SLC4A4: variants seen among roughly 807,000 people sequenced by gnomAD.
SLC4A4 encodes the protein electrogenic sodium bicarbonate cotransporter 1.
Under a neutral mutation model 111.5 loss-of-function variants are expected in SLC4A4, and 27 were observed. That is an observed-to-expected ratio of 0.24 (90% CI 0.18 to 0.33). The LOEUF (loss-of-function observed/expected upper bound fraction) is 0.33. SLC4A4 is among the 10% of genes least tolerant of loss of function. The pLI is 1.00. For synonymous variants in SLC4A4, 443 were observed against 463.4 expected (o/e 0.96, Z 0.57); for missense variants, 909 against 1,315.5 (o/e 0.69, Z 4.78).
rs547454868 is a variant in SLC4A4, at chr4:71,476,112, T to G, written c.1903+3142T>G. 3.3e-5 allele frequency among the ~76,000 whole-genome samples: 5 copies of G among 151,892 alleles called. No homozygotes were observed. The South Asian group carries it at 1.0e-3, about 31-fold the overall frequency. On this transcript the variant is annotated intron_variant, in intron 14 of 25. Coordinates refer to ENST00000264485, the MANE Select transcript of SLC4A4 (RefSeq NM_001098484.3). The stretch of plus-strand genomic sequence containing the variant: ...TGGAAAAAGGCAGTGGATAGTTATT[T>G]GCACTTTCATGACAATTTCATATTT...
intron 3 of SLC4A4, among the ~76,000 whole-genome samples, chr4:71,261,914 G>T (rs1037028320): frequency 6.6e-6 from 1 of 152,160 alleles, no homozygotes; most frequent in African/African-American, 2.4e-5. Context: ...GGTGCTCAGG[G>T]CTAAAAAGAG....
intron 23 of SLC4A4, among the ~76,000 whole-genome samples, chr4:71,562,351 C>A (rs1214052403): frequency 1.3e-5 from 2 of 151,684 alleles, no homozygotes; most frequent in Non-Finnish European, 3.0e-5. Flanking sequence ...ATGTGGTTCT[C>A]CTAAGTTTAC....
intron 3 of SLC4A4, among the ~76,000 whole-genome samples, chr4:71,330,087 A>G (rs1042126833): frequency 3.3e-5 from 5 of 152,100 alleles, no homozygotes; most frequent in Non-Finnish European, 7.4e-5. Context: ...TTTGTCCTTC[A>G]TTCTGTTGAT....
intron 6 of SLC4A4, among the ~76,000 whole-genome samples, chr4:71,374,218 C>G (rs1381940751): frequency 6.6e-6 from 1 of 152,142 alleles, no homozygotes; most frequent in African/African-American, 2.4e-5. Flanking sequence ...ATCTCACTTT[C>G]CATCCCTCTG....
chr4:71,429,193 T>C (rs1259313009), intron 7 of SLC4A4, among the ~76,000 whole-genome samples: 2 of 152,080 alleles, frequency 1.3e-5, no homozygotes, highest in Non-Finnish European at 1.5e-5. Context: ...CCCATATAGA[T>C]AACCTAAAAT....
chr4:71,440,697 A>T lies in SLC4A4; in HGVS notation c.889A>T (p.Thr297Ser). ...VLVGEVDFLD[T>S]PFIAFVRLQQ... is the part of the protein sequence containing the mutation. Reference sequence around the variant, plus strand: ...TGTTGGGGAGGTTGACTTTTTGGATACTCCTTTCATTGCCTTTGTTAGGCT... The same window carrying T: ...TGTTGGGGAGGTTGACTTTTTGGATTCTCCTTTCATTGCCTTTGTTAGGCT... Residue 297 changes from threonine (T) to serine (S), a missense_variant, in exon 8 of 26, where the codon ACT becomes TCT. Physicochemically the swap from Thr to Ser is moderately conservative, Grantham distance 58. Around this residue, in one of 7 missense-constraint regions of SLC4A4, gnomAD observed 312 missense variants for 402.0 expected, o/e 0.78. Transcript: ENST00000264485. The T allele has an allele frequency of 1.2e-6, 2 of 1,613,798 alleles. No homozygotes were observed. Among genetic ancestry groups the T allele is most frequent in the Non-Finnish European group, 1.7e-6 (2 of 1,179,922 alleles).
intron 2 of SLC4A4, among the ~76,000 whole-genome samples, chr4:71,156,325 C>G (rs1162184428): frequency 1.3e-5 from 2 of 151,922 alleles, no homozygotes; most frequent in Non-Finnish European, 2.9e-5. Context: ...TGATTTGCAG[C>G]CTTAACAAAA....
intron 2 of SLC4A4, among the ~76,000 whole-genome samples, chr4:71,152,250 T>C (rs1475885125): frequency 6.6e-6 from 1 of 152,192 alleles, no homozygotes; most frequent in African/African-American, 2.4e-5. Context: ...TTTGTGTTAA[T>C]ATTTCCTCTG....
chr4:71,421,941 G>A (rs1722555653), intron 7 of SLC4A4, among the ~76,000 whole-genome samples: 1 of 151,970 alleles, frequency 6.6e-6, no homozygotes, highest in African/African-American at 2.4e-5. Context: ...AAAAGCAAGA[G>A]CAAACACATT....
At chr4:71,296,258 A>G (rs761741395) in intron 3 of SLC4A4, among the ~76,000 whole-genome samples, 1 of 152,186 alleles carries the variant, frequency 6.6e-6, no homozygotes, top group Non-Finnish European at 1.5e-5. Context: ...CTCTCTTCAA[A>G]CATTTGCCCT....
chr4:71,490,546 G>A (rs1333295028), intron 15 of SLC4A4, among the ~76,000 whole-genome samples: 3 of 151,764 alleles, frequency 2.0e-5, no homozygotes, highest in Non-Finnish European at 4.4e-5. Flanking sequence ...CCTTCAGATG[G>A]CAGATACCTG....
intron 2 of SLC4A4, among the ~76,000 whole-genome samples, chr4:71,176,969 C>T (rs1387224381): frequency 2.6e-5 from 4 of 152,198 alleles, no homozygotes; most frequent in Non-Finnish European, 5.9e-5. Flanking sequence ...ATCAGACTAA[C>T]AGCTGATCTC....
At chr4:71,259,930 GC>G (rs1194544645) in intron 3 of SLC4A4, among the ~76,000 whole-genome samples, 1 of 152,196 alleles carries the variant, frequency 6.6e-6, no homozygotes, top group Non-Finnish European at 1.5e-5. Context: ...TTCTTGACAA[GC>G]ATGAACATGC....
At chr4:71,223,344 T>G (rs1045201635) in intron 1 of SLC4A4, among the ~76,000 whole-genome samples, 4 of 151,872 alleles carry the variant, frequency 2.6e-5, no homozygotes, top group African/African-American at 9.7e-5. Flanking sequence ...CCTGTCTAAT[T>G]TTTTGTATTT....
At chr4:71,332,604 C>T (rs901046446) in intron 3 of SLC4A4, among the ~76,000 whole-genome samples, 11 of 152,126 alleles carry the variant, frequency 7.2e-5, no homozygotes, top group Non-Finnish European at 1.5e-4. Context: ...GCCACTGCGC[C>T]CGGCTAATTT....
chr4:71,472,741 C>A lies in SLC4A4; in HGVS notation c.1674C>A (p.Gly558=), dbSNP rs1452577176. 1 of 1,612,808 alleles carries A rather than the reference C, an allele frequency of 6.2e-7. No homozygotes were observed. Residue 558 remains glycine (G), a synonymous_variant, in exon 14 of 26, where the codon GGC becomes GGA. Coordinates refer to ENST00000264485, the MANE Select transcript of SLC4A4 (RefSeq NM_001098484.3). ...ATTTGGAGTTTCGCCTTTGGATTGGCCTGTGGTCCGCCTTCCTATGTCTCA... is the reference window on the plus strand; with the variant it reads ...ATTTGGAGTTTCGCCTTTGGATTGGACTGTGGTCCGCCTTCCTATGTCTCA... The part of the protein sequence containing the change: ...FDYLEFRLWI[G]LWSAFLCLIL...
At chr4:71,300,378 G>T in intron 3 of SLC4A4, 1 of 231,102 alleles carries the variant, frequency 4.3e-6, no homozygotes, top group South Asian at 7.8e-5. Flanking sequence ...GACCACCAGT[G>T]AGCAGGACAC....
At chr4:71,534,044 T>C (rs938179772) in intron 17 of SLC4A4, among the ~76,000 whole-genome samples, 183 bp from the exon 18 acceptor site, 1 of 152,154 alleles carries the variant, frequency 6.6e-6, no homozygotes, top group Non-Finnish European at 1.5e-5. Flanking sequence ...AAGAATTGCC[T>C]CAAAAATAAC....
intron 3 of SLC4A4, among the ~76,000 whole-genome samples, chr4:71,331,989 T>A (rs2148879859): frequency 6.6e-6 from 1 of 152,334 alleles, no homozygotes; most frequent in East Asian, 1.9e-4. Flanking sequence ...TAGTTTGTAA[T>A]GATCCTTTGA....
Sources: allele counts gnomAD v4.1 joint callset (sites outside exome capture counted in the v4.1 genomes callset), GRCh38; gene constraint gnomAD v4.1.1; regional missense constraint gnomAD v4.1.1; transcripts MANE v1.5; gene names NCBI Gene and HGNC (gene_info 2026-07-23, HGNC 2026-07-21).